Variants in TDRD3 observed in about 807,000 individuals in gnomAD.
TDRD3 encodes tudor domain-containing protein 3.
TDRD3 carries 45 observed loss-of-function variants against 86.7 expected under a neutral mutation model. The ratio of observed to expected loss-of-function variants is 0.52; its 90% CI spans 0.41 to 0.67. The LOEUF (loss-of-function observed/expected upper bound fraction) is 0.67, where lower values mean the gene tolerates loss of function less well. Ranked by LOEUF, TDRD3 falls within the 30% of genes least tolerant of loss-of-function variation. The pLI is 0.00. For synonymous variants in TDRD3, 298 were observed against 301.7 expected (o/e 0.99, Z 0.13); for missense variants, 814 against 889.0 (o/e 0.92, Z 1.07).
chr13:60,506,736 G>T (rs1269365595), intron 8 of TDRD3, among the ~76,000 whole-genome samples: 1 of 152,064 alleles, frequency 6.6e-6, no homozygotes, highest in Non-Finnish European at 1.5e-5. Flanking sequence ...CAGCCTGGGT[G>T]ACAGAATGAA....
intron 2 of TDRD3, among the ~76,000 whole-genome samples, chr13:60,441,424 C>G (rs1259028555): frequency 6.6e-6 from 1 of 151,866 alleles, no homozygotes; most frequent in Non-Finnish European, 1.5e-5. Context: ...GTTAATTTGT[C>G]TTTTTTATTT....
In TDRD3 at chr13:60,467,245, A is replaced by G. The variant is rs983557041; in HGVS notation, c.361A>G (p.Thr121Ala). The G allele has an allele frequency of 1.2e-6, 2 of 1,613,494 alleles. No homozygotes were observed. The highest frequency in any genetic ancestry group is 1.3e-5 in the African/African-American group (1 of 74,838). The part of the protein sequence containing the change: ...FSYMSKISLN[T>A]PPGTKVKLSG... ...CTTTTCTCTTTGCTTTAGCCTGAAC[A>G]CACCACCTGGAACTAAAGTTAAGCT... Residue 121 changes from threonine to alanine, a missense_variant, in exon 5 of 14, where the codon ACA becomes GCA. Thr to Ala is a moderately conservative substitution (Grantham distance 58, BLOSUM62 0). Transcript: ENST00000377881.
intron 12 of TDRD3, among the ~76,000 whole-genome samples, chr13:60,554,530 G>T (rs950794344): frequency 6.6e-6 from 1 of 152,126 alleles, no homozygotes; most frequent in Non-Finnish European, 1.5e-5. Flanking sequence ...ACTGGGGGCA[G>T]GGGCACAACA....
intron 1 of TDRD3, among the ~76,000 whole-genome samples, chr13:60,424,575 G>A (rs1420236281): frequency 6.6e-6 from 1 of 152,070 alleles, no homozygotes; most frequent in African/African-American, 2.4e-5. Flanking sequence ...TACTCCGAAG[G>A]CTGAGGCAGG....
chr13:60,528,239 A>T, intron 10 of TDRD3, 128 bp from the exon 11 acceptor site: 2 of 1,055,626 alleles, frequency 1.9e-6, no homozygotes, highest in Non-Finnish European at 2.6e-6. Flanking sequence ...ATAATGAGGT[A>T]GGAAGATGGA....
intron 8 of TDRD3, among the ~76,000 whole-genome samples, chr13:60,497,522 C>A (rs1458960361): frequency 1.3e-5 from 2 of 152,128 alleles, no homozygotes; most frequent in Non-Finnish European, 2.9e-5. Context: ...TCTTAGTCGG[C>A]CTAGGAAATC....
intron 6 of TDRD3, chr13:60,484,872 G>A (rs930097561): frequency 8.9e-5 from 26 of 290,640 alleles, no homozygotes; most frequent in African/African-American, 2.0e-4. Context: ...TAAACATTTT[G>A]GTGATAATAT....
intron 1 of TDRD3, among the ~76,000 whole-genome samples, chr13:60,439,408 TACA>T (rs1955200880): frequency 6.6e-6 from 1 of 152,178 alleles, no homozygotes; most frequent in Admixed American, 6.5e-5. Context: ...GAGCAGCTTA[TACA>T]TCCCTTAAGT....
chr13:60,413,044 ATT>A (rs879432200), intron 1 of TDRD3, among the ~76,000 whole-genome samples: 20 of 141,438 alleles, frequency 1.4e-4, no homozygotes, highest in Admixed American at 1.4e-4. Context: ...TGTACTCCCA[ATT>A]TTTTTTTTTT....
rs575769387 is a variant in TDRD3 at position 60,433,323 on chromosome 13, A to G, written c.42-6365A>G. ...CCTTAAAAATATAAGTAGTCCTCAA[A>G]GTCTGAAGTAAGCATGGGTTCTTTA... On this transcript the variant is annotated intron_variant, in intron 1 of 13. Coordinates refer to ENST00000377881, the MANE Select transcript of TDRD3 (RefSeq NM_001146070.2). Among the ~76,000 whole-genome samples, 221 of 152,328 alleles carry G rather than the reference A, an allele frequency of 1.5e-3. 1 individual carries two copies. The highest frequency in any genetic ancestry group is 4.9e-3 in the African/African-American group (205 of 41,570).
intron 1 of TDRD3, among the ~76,000 whole-genome samples, chr13:60,416,140 T>C (rs1954506573): frequency 6.6e-6 from 1 of 152,214 alleles, no homozygotes; most frequent in African/African-American, 2.4e-5. Context: ...TGGTACAATA[T>C]CAAATCATGG....
chr13:60,503,982 A>C (rs1956885259), intron 8 of TDRD3, among the ~76,000 whole-genome samples: 1 of 152,250 alleles, frequency 6.6e-6, no homozygotes, highest in South Asian at 2.1e-4. Context: ...GATTGGCATC[A>C]GAAGAAAACC....
Position 60,397,264 on chromosome 13 carries a change from T to C in TDRD3, c.-101T>C. 1 of 684,774 alleles carries C rather than the reference T, an allele frequency of 1.5e-6. No individual in the cohort carries two copies. Among genetic ancestry groups the C allele is most frequent in the Admixed American group, 3.8e-5 (1 of 26,560 alleles). The allele number at this position is 684,774 out of a possible 1,614,324, so 42.4% of individuals were successfully genotyped here. A position where few individuals can be genotyped will look rare whatever the true frequency, so the allele number is the denominator to read the frequency against. ...AGAGCCGACCAGAGGAGTTTTTTCT[T>C]TTCTTTTCTTTTTTTTTTTTTAAGG... On this transcript the variant is annotated 5_prime_UTR_variant, in exon 1 of 14. Transcript: ENST00000377881.
chr13:60,399,172 A>G (rs950195268), intron 1 of TDRD3, among the ~76,000 whole-genome samples: 7 of 152,196 alleles, frequency 4.6e-5, no homozygotes, highest in African/African-American at 1.7e-4. Flanking sequence ...GGTTCTCTGT[A>G]AAGTCTAATA....
intron 4 of TDRD3, among the ~76,000 whole-genome samples, chr13:60,464,430 A>C (rs1014139240): frequency 6.6e-6 from 1 of 152,200 alleles, no homozygotes; most frequent in Non-Finnish European, 1.5e-5. Context: ...GGAAGTCAGC[A>C]TATTGAGGAA....
intron 12 of TDRD3, among the ~76,000 whole-genome samples, chr13:60,563,716 A>T (rs1485580896): frequency 6.6e-6 from 1 of 152,160 alleles, no homozygotes; most frequent in Non-Finnish European, 1.5e-5. Flanking sequence ...ATTTCACCTT[A>T]CTATTTGTGG....
chr13:60,440,843 A>G (rs1193556298), intron 2 of TDRD3, among the ~76,000 whole-genome samples: 2 of 152,212 alleles, frequency 1.3e-5, no homozygotes, highest in African/African-American at 2.4e-5. Context: ...CAAATCCATC[A>G]TATCACTGCA....
chr13:60,488,344 T>C (rs117599804), intron 7 of TDRD3, among the ~76,000 whole-genome samples: 2,867 of 152,238 alleles, frequency 0.019, 37 homozygotes, highest in Middle Eastern at 0.034. Context: ...CTGAGTGTCA[T>C]TTCCTGAGGA....
At chr13:60,539,354 T>A (rs1230058953) in intron 12 of TDRD3, among the ~76,000 whole-genome samples, 1 of 152,114 alleles carries the variant, frequency 6.6e-6, no homozygotes, top group Non-Finnish European at 1.5e-5. Flanking sequence ...AATTAGGGTC[T>A]GAATTCTTCT....
Sources: allele counts gnomAD v4.1 joint callset (sites outside exome capture counted in the v4.1 genomes callset), GRCh38; gene constraint gnomAD v4.1.1; transcripts MANE v1.5; gene names NCBI Gene and HGNC (gene_info 2026-07-23, HGNC 2026-07-21).